TSPOAP1: variants seen among roughly 807,000 people sequenced by gnomAD.
TSPOAP1 encodes the protein peripheral-type benzodiazepine receptor-associated protein 1.
Under a neutral mutation model 197.0 loss-of-function variants are expected in TSPOAP1, and 87 were observed. The observed-to-expected ratio is 0.44, with a 90% CI of 0.37 to 0.53. The LOEUF is 0.53. TSPOAP1 is among the 20% of genes least tolerant of loss of function. The pLI, the probability that TSPOAP1 is intolerant of heterozygous loss-of-function variation, is 0.00. For missense variants in TSPOAP1, 2,174 were observed against 2,411.3 expected (o/e 0.90, Z 2.06); for synonymous variants, 913 against 998.9 (o/e 0.91, Z 1.62).
chr17:58,312,960 C>G (rs955451773), intron 16 of TSPOAP1, among the ~76,000 whole-genome samples: 1 of 152,192 alleles, frequency 6.6e-6, no homozygotes, highest in Non-Finnish European at 1.5e-5. Flanking sequence ...TTTTAACTTG[C>G]ATATGAATCA....
rs1417762967 is a variant in TSPOAP1, at chr17:58,322,608, C to T, written c.1317+46G>A. Reference sequence around the variant, plus strand: ...AATATTCTGCTGTCCCACTTGCTCCCCATGCCAGGGCCCAGCACCCTCTCC... The same window carrying T: ...AATATTCTGCTGTCCCACTTGCTCCTCATGCCAGGGCCCAGCACCCTCTCC... On this transcript the variant is annotated intron_variant, in intron 9 of 31. Coordinates refer to ENST00000343736, the MANE Select transcript of TSPOAP1 (RefSeq NM_004758.4). This position sits in a 1 kb window ranked among gnomAD's most constrained non-coding sequence, Gnocchi z 5.0. 5.0e-6 allele frequency: 8 copies of T among 1,600,096 alleles called. No homozygotes were observed. In the East Asian group the frequency reaches 6.7e-5, roughly 13 times the overall value.
intron 16 of TSPOAP1, among the ~76,000 whole-genome samples, chr17:58,315,730 C>T (rs1374100422): frequency 6.6e-6 from 1 of 152,176 alleles, no homozygotes; most frequent in Non-Finnish European, 1.5e-5. Flanking sequence ...TGAATCTAGC[C>T]AAAATCTCCT....
In TSPOAP1 at chr17:58,327,582, C is replaced by G. The variant is rs202010737; in HGVS notation, c.333+6G>C. 61 of 1,610,168 alleles carry G rather than the reference C, an allele frequency of 3.8e-5. No individual in the cohort carries two copies. The African/African-American group carries it at 7.3e-4, about 19-fold the overall frequency. On this transcript the variant is annotated splice_donor_region_variant and intron_variant, in intron 1 of 31. Coordinates refer to ENST00000343736, the MANE Select transcript of TSPOAP1 (RefSeq NM_004758.4). ...TGCAGACCCCAGCCCTCCACAGATC[C>G]CTTACCTTCAGGAAAGCCTCCACTT...
rs1298890561 is a variant in TSPOAP1, at chr17:58,320,446, G to T, written c.1473+85C>A. ...CCCTCCTGCAACCCCTCTCCCCACC[G>T]CCATAGTCCATTTCAGCTCTATCTG... On this transcript the variant is annotated intron_variant, in intron 11 of 31. Transcript: ENST00000343736. The T allele has an allele frequency of 9.4e-6, 13 of 1,388,362 alleles. No homozygotes were observed. In the Admixed American group the frequency reaches 1.7e-4, roughly 18 times the overall value. The allele number at this position is 1,388,362 out of a possible 1,614,324, so 86.0% of individuals were successfully genotyped here. A position where few individuals can be genotyped will look rare whatever the true frequency, so the allele number is the denominator to read the frequency against.
chr17:58,314,247 C>CA (rs1971151485), intron 16 of TSPOAP1, among the ~76,000 whole-genome samples: 1 of 152,172 alleles, frequency 6.6e-6, no homozygotes, highest in African/African-American at 2.4e-5. Context: ...GAGGGACTGT[C>CA]AATAAATTCA....
At position 58,305,523 on chromosome 17, in the gene TSPOAP1, T is replaced by C; in HGVS notation, c.5361+17A>G. Reference sequence around the variant, plus strand: ...TCTGCCACCGCCCTTTGCTGGGCTCTATCTGAGGGTCCTCACCTCCACGTC... The same window carrying C: ...TCTGCCACCGCCCTTTGCTGGGCTCCATCTGAGGGTCCTCACCTCCACGTC... On this transcript the variant is annotated intron_variant, in intron 28 of 31. Transcript: ENST00000343736. The C allele has an allele frequency of 3.1e-6, 5 of 1,610,502 alleles. No homozygotes were observed. The highest frequency in any genetic ancestry group is 4.2e-6 in the Non-Finnish European group (5 of 1,177,896).
chr17:58,311,507 G>A, intron 18 of TSPOAP1, 64 bp downstream of exon 18: 1 of 1,515,442 alleles, frequency 6.6e-7, no homozygotes, highest in Admixed American at 2.3e-5. Flanking sequence ...AGAGAGCCTA[G>A]ACCTCTGAGC....
chr17:58,310,934 G>A lies in TSPOAP1; in HGVS notation c.3361C>T (p.Pro1121Ser), dbSNP rs148479487. Residue 1121 changes from proline (P) to serine (S), a missense_variant, in exon 19 of 32, where the codon CCC (proline) becomes TCC (serine). Pro to Ser is a moderately conservative substitution (Grantham distance 74, BLOSUM62 -1). This residue lies in a region of TSPOAP1 where 1,933 missense variants were observed against 2,139.0 expected (regional missense o/e 0.90). Transcript: ENST00000343736. The stretch of plus-strand genomic sequence containing the variant: ...CCTGGAGGCTCTTGAGTTCCAAGGG[G>A]AGCAGGGTGCTGGAGAGGAGAGCTG... The part of the protein sequence containing the change: ...DPSSPLQHPA[P>S]LGTQEPPGAP... 1.7e-3 allele frequency: 2,665 copies of A among 1,564,370 alleles called. 5 individuals are homozygous for A. The highest frequency in any genetic ancestry group is 4.5e-3 in the Admixed American group (221 of 48,608).
chr17:58,316,332 C>A (rs1971232473), intron 15 of TSPOAP1, 93 bp downstream of exon 15: 4 of 1,243,896 alleles, frequency 3.2e-6, no homozygotes, highest in Non-Finnish European at 4.6e-6. Flanking sequence ...GTACTGCCCC[C>A]ACCACTTCCA....
rs1970852596 is a variant in TSPOAP1 at position 58,305,428 on chromosome 17, T to A, written c.5392A>T (p.Ile1798Phe). The A allele has an allele frequency of 1.2e-6, 2 of 1,613,754 alleles. No homozygotes were observed. The highest frequency in any genetic ancestry group is 1.1e-5 in the South Asian group (1 of 91,084). Residue 1798 changes from isoleucine to phenylalanine, a missense_variant, in exon 29 of 32, where the codon ATT becomes TTT. Ile to Phe is a conservative substitution (Grantham distance 21, BLOSUM62 0). Coordinates refer to ENST00000343736, the MANE Select transcript of TSPOAP1 (RefSeq NM_004758.4). ...TCGTCCATGCCCCCAAACACAGTAA[T>A]GACATCCCCTGCCCGGAAGGGCAGC... ...AELPFRAGDV[I>F]TVFGGMDDDG...
intron 25 of TSPOAP1, 36 bp downstream of exon 25, chr17:58,306,755 AAGGGGGCTG>A: frequency 6.3e-7 from 1 of 1,579,888 alleles, no homozygotes; most frequent in South Asian, 1.2e-5. Flanking sequence ...GTGGAGTTGG[AAGGGGGCTG>A]GTGGGAGGTG....
At chr17:58,317,781 C>A (rs1971282969) in intron 14 of TSPOAP1, among the ~76,000 whole-genome samples, 1 of 152,226 alleles carries the variant, frequency 6.6e-6, no homozygotes, top group South Asian at 2.1e-4. Context: ...CTGAGACAGG[C>A]AGGTTCCGTA....
At chr17:58,325,429 C>T in intron 4 of TSPOAP1, 105 bp downstream of exon 4, 1 of 1,454,982 alleles carries the variant, frequency 6.9e-7, no homozygotes, top group Non-Finnish European at 9.3e-7. Flanking sequence ...CAACCTCCAC[C>T]CTCCCTTTCA....
chr17:58,321,533 A>C (rs1971405608), intron 10 of TSPOAP1, among the ~76,000 whole-genome samples: 1 of 152,130 alleles, frequency 6.6e-6, no homozygotes, highest in Non-Finnish European at 1.5e-5. Context: ...CCTGACCTCA[A>C]CTGATCCACC....
At position 58,322,603 on chromosome 17, in the gene TSPOAP1, G is replaced by T; in HGVS notation, c.1317+51C>A. The T allele has an allele frequency of 6.3e-7, 1 of 1,598,122 alleles. No homozygotes were observed. The highest frequency in any genetic ancestry group is 8.5e-7 in the Non-Finnish European group (1 of 1,176,218). On this transcript the variant is annotated intron_variant, in intron 9 of 31. Transcript: ENST00000343736. The surrounding 1 kb of genome is among the most constrained non-coding windows in gnomAD (Gnocchi z 5.0). ...CTAAGAATATTCTGCTGTCCCACTT[G>T]CTCCCCATGCCAGGGCCCAGCACCC... is the stretch of plus-strand genomic sequence containing the variant.
chr17:58,308,073 C>T (rs986237635), intron 22 of TSPOAP1, 132 bp from the exon 23 acceptor site: 12 of 970,696 alleles, frequency 1.2e-5, no homozygotes, highest in Non-Finnish European at 1.6e-5. Flanking sequence ...CCCGGAGCCT[C>T]GGCCCAGCCT....
rs775201162 is a variant in TSPOAP1, at chr17:58,325,554, T to C, written c.730A>G (p.Arg244Gly). 1.2e-6 allele frequency: 2 copies of C among 1,612,680 alleles called. No homozygotes were observed. Among genetic ancestry groups the C allele is most frequent in the Admixed American group, 3.3e-5 (2 of 60,028 alleles). The change falls in exon 4 of 32, where the codon AGG (arginine) becomes GGG (glycine). Residue 244 changes from arginine (R) to glycine (G), a missense_variant. Physicochemically the swap from Arg to Gly is moderately radical, Grantham distance 125. Coordinates refer to ENST00000343736, the MANE Select transcript of TSPOAP1 (RefSeq NM_004758.4). ...CGCACCTTGCCCACCAGAGTGAGCCTGGCCTGCAGCTCCCTGCACTCCCGC... is the reference window on the plus strand; with the variant it reads ...CGCACCTTGCCCACCAGAGTGAGCCCGGCCTGCAGCTCCCTGCACTCCCGC... ...LQRECRELQA[R>G]LTLVGKEGPQ... is the part of the protein sequence containing the mutation.
intron 14 of TSPOAP1, among the ~76,000 whole-genome samples, chr17:58,317,084 T>C (rs538367412): frequency 6.6e-6 from 1 of 152,210 alleles, no homozygotes; most frequent in South Asian, 2.1e-4. Flanking sequence ...TGGTCCCAGC[T>C]ACTTGGGAGG....
rs765224168 is a variant in TSPOAP1, at chr17:58,322,365, A to G, written c.1365T>C (p.His455=). 1.2e-6 allele frequency: 2 copies of G among 1,606,068 alleles called. No homozygotes were observed. Among genetic ancestry groups the G allele is most frequent in the Non-Finnish European group, 8.5e-7 (1 of 1,179,958 alleles). The change falls in exon 10 of 32, where the codon CAT becomes CAC. Residue 455 remains histidine, a synonymous_variant. Transcript: ENST00000343736. This position sits in a 1 kb window ranked among gnomAD's most constrained non-coding sequence, Gnocchi z 5.0. ...CCCGTAGGCTGAGCCGAGCCTGTTC[A>G]TGCTCCACCTCCAGCTGCTGCCGCC... ...AQRRQQLEVE[H]EQARLSLREK...
Sources: allele counts gnomAD v4.1 joint callset (sites outside exome capture counted in the v4.1 genomes callset), GRCh38; gene constraint gnomAD v4.1.1; regional missense constraint gnomAD v4.1.1; non-coding constraint Gnocchi (gnomAD v3.1); transcripts MANE v1.5; gene names NCBI Gene and HGNC (gene_info 2026-07-23, HGNC 2026-07-21).